Variants in SGSH observed in about 807,000 individuals in gnomAD.
SGSH encodes heparan sulfate sulfatase.
Under a neutral mutation model 51.0 loss-of-function variants are expected in SGSH, and 48 were observed. That is an observed-to-expected ratio of 0.94 (90% CI 0.75 to 1.20). The LOEUF (loss-of-function observed/expected upper bound fraction) is 1.20, where lower values mean the gene tolerates loss of function less well. Ranked by LOEUF, SGSH falls within the 50% of genes most tolerant of loss-of-function variation. The pLI is 0.00. For synonymous variants in SGSH, 321 were observed against 313.4 expected (o/e 1.02, Z -0.26); for missense variants, 662 against 717.8 (o/e 0.92, Z 0.89).
At chr17:80,205,150 G>A (rs1452524384), downstream of SGSH, 1 of 1,613,804 alleles carries the variant, frequency 6.2e-7, no homozygotes, top group Non-Finnish European at 8.5e-7. Flanking sequence ...GGGCGGTTGG[G>A]AAGATCCTGA....
chr17:80,219,347 T>A (rs2042034424), intron 1 of SGSH, among the ~76,000 whole-genome samples: 1 of 152,024 alleles, frequency 6.6e-6, no homozygotes, highest in South Asian at 2.1e-4. Context: ...CCCACAGAAC[T>A]GTGAGAAATA....
chr17:80,214,951 G>T, intron 3 of SGSH, 82 bp downstream of exon 3: 2 of 1,357,230 alleles, frequency 1.5e-6, no homozygotes, highest in Non-Finnish European at 1.0e-6. Context: ...AGCGTGCCTT[G>T]GTACAAGGTG....
chr17:80,220,185 G>T, intron 1 of SGSH, 41 bp downstream of exon 1: 2 of 1,451,182 alleles, frequency 1.4e-6, no homozygotes, highest in Non-Finnish European at 9.2e-7. Flanking sequence ...ACTTCCCCGG[G>T]CCACCGCAGG....
chr17:80,204,939 G>A (rs2041200328), downstream of SGSH: 1 of 1,034,182 alleles, frequency 9.7e-7, no homozygotes, highest in Non-Finnish European at 1.4e-6. Flanking sequence ...TGGGGCTGCT[G>A]CAGTGAGCAA....
downstream of SGSH, chr17:80,203,789 C>T (rs1474262589): frequency 1.3e-6 from 2 of 1,541,544 alleles, no homozygotes; most frequent in African/African-American, 2.7e-5. This position sits in a 1 kb window ranked among gnomAD's most constrained non-coding sequence, Gnocchi z 4.6. Context: ...TGGCAGGAGG[C>T]AGCTGGGTCA....
chr17:80,201,798 CT>C, downstream of SGSH: 1 of 1,613,876 alleles, frequency 6.2e-7, no homozygotes, highest in East Asian at 2.2e-5. The surrounding 1 kb of genome is among the most constrained non-coding windows in gnomAD (Gnocchi z 5.0). Context: ...GGACACGACC[CT>C]GGAGGAGGCC....
At chr17:80,203,688 G>T, downstream of SGSH, 1 of 626,646 alleles carries the variant, frequency 1.6e-6, no homozygotes, top group Non-Finnish European at 2.8e-6. The surrounding 1 kb of genome is among the most constrained non-coding windows in gnomAD (Gnocchi z 4.6). Flanking sequence ...TGCAGCAAAG[G>T]GATGTGTGGA....
In SGSH at chr17:80,210,698, C is replaced by T. The variant is rs140931352; in HGVS notation, c.1263G>A (p.Thr421=). ...AATGACGGAGGTCCTTGTACCAGCCCGTGGGCTGACCAGCTGTGGTGCGGT... is the reference window on the plus strand; with the variant it reads ...AATGACGGAGGTCCTTGTACCAGCCTGTGGGCTGACCAGCTGTGGTGCGGT... ...LLNRTTAGQP[T]GWYKDLRHYY... Residue 421 remains threonine, a synonymous_variant, in exon 8 of 8, where the codon ACG becomes ACA. Coordinates refer to ENST00000326317, the MANE Select transcript of SGSH (RefSeq NM_000199.5). The T allele has an allele frequency of 9.3e-6, 15 of 1,613,900 alleles. No homozygotes were observed. In the African/African-American group the frequency reaches 1.1e-4, roughly 11 times the overall value.
chr17:80,214,739 G>A lies in SGSH; in HGVS notation c.382C>T (p.Pro128Ser), dbSNP rs1289782046. The change falls in exon 4 of 8, where the codon CCG becomes TCG. Residue 128 changes from proline to serine, a missense_variant. Transcript: ENST00000326317. ...AAGTCAAACGGGTACACGGTCTCCGGCCCCACGTGCTTCTTCCCGATGATG... is the reference window on the plus strand; with the variant it reads ...AAGTCAAACGGGTACACGGTCTCCGACCCCACGTGCTTCTTCCCGATGATG... Reference protein sequence around the residue: ...TGIIGKKHVGPETVYPFDFAY... With the variant: ...TGIIGKKHVGSETVYPFDFAY... 1 of 1,612,646 alleles carries A rather than the reference G, an allele frequency of 6.2e-7. No homozygotes were observed. Among genetic ancestry groups the A allele is most frequent in the Non-Finnish European group, 8.5e-7 (1 of 1,179,972 alleles).
chr17:80,204,882 A>T (rs2041196874), downstream of SGSH: 2 of 637,878 alleles, frequency 3.1e-6, no homozygotes, highest in African/African-American at 1.8e-5. Context: ...TGGAACTGGG[A>T]GTGAGTCCTG....
downstream of SGSH, chr17:80,204,529 C>A (rs2041170310): frequency 3.8e-6 from 2 of 527,068 alleles, no homozygotes; most frequent in Non-Finnish European, 6.5e-6. Flanking sequence ...GAGGCTGAGG[C>A]AGGAGAATCG....
intron 7 of SGSH, chr17:80,211,718 C>G (rs192396402): frequency 2.9e-5 from 11 of 375,760 alleles, no homozygotes; most frequent in African/African-American, 2.3e-4. Context: ...TTGAGCCCGC[C>G]AAGATCTACT....
chr17:80,215,613 G>C (rs1014810257), intron 2 of SGSH, among the ~76,000 whole-genome samples: 5 of 152,176 alleles, frequency 3.3e-5, no homozygotes, highest in African/African-American at 1.2e-4. Flanking sequence ...GAGGTCAGGA[G>C]ATGGAGACCA....
chr17:80,214,880 AG>A, intron 3 of SGSH, 115 bp from the exon 4 acceptor site: 1 of 1,371,680 alleles, frequency 7.3e-7, no homozygotes, highest in South Asian at 1.2e-5. Flanking sequence ...CACACAGCCC[AG>A]CCAGGAGACC....
chr17:80,202,595 T>C, downstream of SGSH: 1 of 1,431,706 alleles, frequency 7.0e-7, no homozygotes, highest in Non-Finnish European at 9.1e-7. Context: ...TTGTGATGGA[T>C]GCTTTATATA....
Position 80,212,328 on chromosome 17 carries a change from C to T in SGSH, c.746-54G>A, listed in dbSNP as rs766522158. 5.5e-5 allele frequency: 82 copies of T among 1,500,838 alleles called. No homozygotes were observed. Among genetic ancestry groups the T allele is most frequent in the Middle Eastern group, 1.8e-4 (1 of 5,630 alleles). 93.0% of individuals were successfully genotyped at this position (1,500,838 alleles called of 1,614,324 possible). A position where few individuals can be genotyped will look rare whatever the true frequency, so the allele number is the denominator to read the frequency against. On this transcript the variant is annotated intron_variant, in intron 6 of 7. Coordinates refer to ENST00000326317, the MANE Select transcript of SGSH (RefSeq NM_000199.5). This position sits in a 1 kb window ranked among gnomAD's most constrained non-coding sequence, Gnocchi z 5.9. ...CAGCCGCAGACACGGAGGGAGGCAG[C>T]GGGTGGTGTGTGTAGACCCACCTGC...
At chr17:80,201,699 C>T in the SGSH span, 5 of 1,611,384 alleles carry the variant, frequency 3.1e-6, no homozygotes, top group African/African-American at 6.7e-5. The surrounding 1 kb of genome is among the most constrained non-coding windows in gnomAD (Gnocchi z 5.0). Context: ...TGGCTGGATT[C>T]AGAGTCCCGG....
At chr17:80,205,612 G>A, downstream of SGSH, 1 of 1,567,230 alleles carries the variant, frequency 6.4e-7, no homozygotes, top group Non-Finnish European at 8.7e-7. Context: ...GGGGGCCGCT[G>A]CTGGGTGACC....
chr17:80,202,742 A>G (rs1393503580), downstream of SGSH: 1 of 530,862 alleles, frequency 1.9e-6, no homozygotes, highest in Admixed American at 4.2e-5. Flanking sequence ...CAGGATATAG[A>G]GCAGCATCCC....
Sources: allele counts gnomAD v4.1 joint callset (sites outside exome capture counted in the v4.1 genomes callset), GRCh38; gene constraint gnomAD v4.1.1; non-coding constraint Gnocchi (gnomAD v3.1); transcripts MANE v1.5; gene names NCBI Gene and HGNC (gene_info 2026-07-23, HGNC 2026-07-21).